LMO7: variants seen among roughly 807,000 people sequenced by gnomAD.
LMO7 encodes LIM domain only protein 7.
Under a neutral mutation model 206.5 loss-of-function variants are expected in LMO7, and 120 were observed. That is an observed-to-expected ratio of 0.58 (90% CI 0.50 to 0.68). LMO7 has a LOEUF of 0.68. Ranked by LOEUF, LMO7 falls within the 30% of genes least tolerant of loss-of-function variation. The probability of loss-of-function intolerance (pLI) is 0.00; values close to 1 mark genes in which losing one functional copy is unlikely to be tolerated. For missense variants in LMO7, 1,959 were observed against 1,957.9 expected, an observed-to-expected ratio of 1.00 and a Z score of -0.01; for synonymous variants, 706 against 681.5, an observed-to-expected ratio of 1.04 and a Z score of -0.56.
chr13:75,723,926 A>G (rs2138491999), intron 2 of LMO7, among the ~76,000 whole-genome samples: 1 of 152,284 alleles, frequency 6.6e-6, no homozygotes, highest in African/African-American at 2.4e-5. Context: ...TATTTGGCAT[A>G]TAGTGAGGAC....
chr13:75,808,243 C>G (rs765417935), intron 10 of LMO7, 44 bp downstream of exon 10: 2 of 1,528,188 alleles, frequency 1.3e-6, no homozygotes, highest in Admixed American at 2.2e-5. Flanking sequence ...AATGGATGGT[C>G]TTGTGTAACT....
At position 75,841,617 on chromosome 13, in the gene LMO7, TG is replaced by T. The variant is rs1183132706; in HGVS notation, c.3676-9del. The T allele has an allele frequency of 1.3e-6, 2 of 1,549,816 alleles. No individual in the cohort carries two copies. The highest frequency in any genetic ancestry group is 8.7e-7 in the Non-Finnish European group (1 of 1,143,204). ...GATTTAGATGGATTTCTTTTTTCAC[TG>T]GTCACCTAGGAACTGATGGTCCTAA... On this transcript the variant is annotated splice_polypyrimidine_tract_variant and intron_variant, in intron 23 of 30. Transcript: ENST00000377534.
intron 2 of LMO7, among the ~76,000 whole-genome samples, chr13:75,718,349 G>A (rs2043730177): frequency 6.6e-6 from 1 of 152,168 alleles, no homozygotes; most frequent in African/African-American, 2.4e-5. Context: ...CCTGGAGAGA[G>A]ACTGATATAT....
At chr13:75,709,162 G>A (rs1042016020) in intron 1 of LMO7, among the ~76,000 whole-genome samples, 2 of 152,204 alleles carry the variant, frequency 1.3e-5, no homozygotes, top group Admixed American at 1.3e-4. Context: ...ATTCCATGGT[G>A]TATATGTGCC....
Position 75,808,108 on chromosome 13 carries a change from C to A in LMO7, c.1825C>A (p.Pro609Thr), listed in dbSNP as rs1433208474. The change falls in exon 10 of 31, where the codon CCT becomes ACT. Residue 609 changes from proline to threonine, a missense_variant. Pro to Thr is a conservative substitution (Grantham distance 38). Transcript: ENST00000377534. ...TACCGTGCCTCCCATCAGTTTCACC[C>A]CTGGCCCCTGCAGTGAGGCTGACTT... is the stretch of plus-strand genomic sequence containing the variant. ...GTTVPPISFT[P>T]GPCSEADLKR... 11 of 1,613,744 alleles carry A rather than the reference C, an allele frequency of 6.8e-6. No individual in the cohort carries two copies. Among genetic ancestry groups the A allele is most frequent in the Non-Finnish European group, 8.5e-6 (10 of 1,179,872 alleles).
chr13:75,853,122 C>G lies in LMO7; in HGVS notation c.4395C>G (p.Pro1465=), dbSNP rs1353692926. ...AATCTTTAGATAACCTGGACTCCCC[C>G]CGATCCAATTCTTGGAGACAGCCTC... ...RGESLDNLDS[P]RSNSWRQPPW... Residue 1465 remains proline (P), a synonymous_variant, in exon 28 of 31, where the codon CCC becomes CCG. Coordinates refer to ENST00000377534, the MANE Select transcript of LMO7 (RefSeq NM_001306080.2). 1 of 1,611,886 alleles carries G rather than the reference C, an allele frequency of 6.2e-7. No individual in the cohort carries two copies. Among genetic ancestry groups the G allele is most frequent in the Non-Finnish European group, 8.5e-7 (1 of 1,178,834 alleles).
At chr13:75,798,763 G>T (rs899415764) in intron 6 of LMO7, among the ~76,000 whole-genome samples, 2 of 152,212 alleles carry the variant, frequency 1.3e-5, no homozygotes, top group African/African-American at 4.8e-5. Context: ...ACCTCAGTCA[G>T]TCATCTTGGA....
chr13:75,651,661 G>A (rs969966063), intron 1 of LMO7, among the ~76,000 whole-genome samples: 3 of 152,162 alleles, frequency 2.0e-5, no homozygotes, highest in African/African-American at 7.2e-5. Flanking sequence ...AACCATATCT[G>A]TACTTGTACT....
chr13:75,721,725 G>A (rs995246307), intron 2 of LMO7, among the ~76,000 whole-genome samples: 9 of 152,090 alleles, frequency 5.9e-5, no homozygotes, highest in African/African-American at 2.2e-4. Context: ...TGATTGATGG[G>A]CATTTGGGCT....
intron 1 of LMO7, chr13:75,688,760 G>A (rs935058080): frequency 6.6e-6 from 1 of 151,972 alleles, no homozygotes; most frequent in African/African-American, 2.4e-5. Flanking sequence ...TCCACACACT[G>A]TTCTGTGCTT....
chr13:75,796,405 T>C (rs2054016358), intron 5 of LMO7, among the ~76,000 whole-genome samples: 2 of 152,186 alleles, frequency 1.3e-5, no homozygotes, highest in African/African-American at 4.8e-5. Flanking sequence ...ATGACTACCT[T>C]TTGGAGTCTG....
chr13:75,784,694 G>T (rs1348283871), intron 4 of LMO7, among the ~76,000 whole-genome samples: 3 of 152,246 alleles, frequency 2.0e-5, no homozygotes, highest in African/African-American at 7.2e-5. Context: ...AAGGAAACAA[G>T]TATTTATGTG....
At chr13:75,778,377 C>T (rs559886589) in intron 4 of LMO7, among the ~76,000 whole-genome samples, 10 of 151,990 alleles carry the variant, frequency 6.6e-5, no homozygotes, top group South Asian at 2.1e-4. Flanking sequence ...GGACTACAGG[C>T]GCCTGCCACC....
intron 4 of LMO7, among the ~76,000 whole-genome samples, chr13:75,779,353 T>C (rs1483948436): frequency 6.6e-6 from 1 of 152,122 alleles, no homozygotes; most frequent in Non-Finnish European, 1.5e-5. Context: ...GGGGGAGAAC[T>C]CATTCAATTC....
At chr13:75,681,691 T>A (rs954064589) in intron 1 of LMO7, among the ~76,000 whole-genome samples, 4 of 131,770 alleles carry the variant, frequency 3.0e-5, no homozygotes, top group Admixed American at 8.3e-5. Flanking sequence ...ATGTCATGTA[T>A]GTATGTATGT....
intron 16 of LMO7, among the ~76,000 whole-genome samples, chr13:75,833,645 C>T (rs1328427999): frequency 1.6e-4 from 25 of 151,984 alleles, no homozygotes; most frequent in Admixed American, 1.6e-3. Flanking sequence ...CATGTCAAGC[C>T]CAGGAACTCT....
At chr13:75,621,149 G>A (rs957936119) in exon 1 of LMO7, 6 of 152,090 alleles carry the variant, frequency 3.9e-5, no homozygotes, top group African/African-American at 9.7e-5. Flanking sequence ...TATTACCATC[G>A]TCCTAAGACT....
At chr13:75,721,334 G>A (rs2044000973) in intron 2 of LMO7, among the ~76,000 whole-genome samples, 1 of 152,144 alleles carries the variant, frequency 6.6e-6, no homozygotes, top group African/African-American at 2.4e-5. Context: ...ATAAATATCT[G>A]TAAAGCACCT....
At chr13:75,748,200 G>A (rs1198465230) in intron 3 of LMO7, among the ~76,000 whole-genome samples, 1 of 152,174 alleles carries the variant, frequency 6.6e-6, no homozygotes, top group Non-Finnish European at 1.5e-5. Context: ...AAATCAATGA[G>A]ACTGATTTTG....
Sources: allele counts gnomAD v4.1 joint callset (sites outside exome capture counted in the v4.1 genomes callset), GRCh38; gene constraint gnomAD v4.1.1; transcripts MANE v1.5; gene names NCBI Gene and HGNC (gene_info 2026-07-23, HGNC 2026-07-21).